Variants in CBR4 observed in about 807,000 individuals in gnomAD.
The protein encoded by CBR4 is 3-oxoacyl-[acyl-carrier-protein] reductase.
CBR4 carries 22 observed loss-of-function variants against 21.0 expected under a neutral mutation model. The ratio of observed to expected loss-of-function variants is 1.05; its 90% CI spans 0.75 to 1.50. The LOEUF (loss-of-function observed/expected upper bound fraction) is 1.50, where lower values mean the gene tolerates loss of function less well. Among genes scored for constraint, CBR4 ranks in the 40% most tolerant of loss-of-function variants. The pLI is 0.00. For synonymous variants in CBR4, 100 were observed against 104.4 expected (o/e 0.96, Z 0.26); for missense variants, 302 against 286.3 (o/e 1.05, Z -0.40).
intron 2 of CBR4, among the ~76,000 whole-genome samples, chr4:168,969,548 A>G (rs1039031774): frequency 6.6e-6 from 1 of 152,204 alleles, no homozygotes; most frequent in Non-Finnish European, 1.5e-5. Context: ...ACAGCAGCAG[A>G]AGGATAGAGT....
Position 168,924,382 on chromosome 4 carries a change from A to C in CBR4, n.170-29617T>G. On this transcript the variant is annotated intron_variant and non_coding_transcript_variant, in intron 2 of 3. Transcript: ENST00000509108. ...CACCACCTCAGATATTTTGGAAGAAAGAAAATGAATCACTCACTCACAGCA... is the reference window on the plus strand; with the variant it reads ...CACCACCTCAGATATTTTGGAAGAACGAAAATGAATCACTCACTCACAGCA... 6 of 1,614,082 alleles carry C rather than the reference A, an allele frequency of 3.7e-6. No homozygotes were observed. The highest frequency in any genetic ancestry group is 5.1e-6 in the Non-Finnish European group (6 of 1,179,952).
intron 2 of CBR4, among the ~76,000 whole-genome samples, chr4:168,973,515 A>G (rs192093376): frequency 3.3e-5 from 5 of 152,242 alleles, no homozygotes; most frequent in African/African-American, 1.2e-4. Flanking sequence ...TTTCGTAGAG[A>G]TGGGGTTTCA....
intron 2 of CBR4, among the ~76,000 whole-genome samples, chr4:168,951,207 C>CA (rs1401103609): frequency 1.3e-5 from 2 of 152,046 alleles, no homozygotes; most frequent in Admixed American, 6.6e-5. Context: ...TACAGGCACC[C>CA]ACCACCACGC....
intron 2 of CBR4, chr4:168,924,544 AAATC>A (rs777628970): frequency 9.7e-5 from 97 of 1,002,168 alleles, no homozygotes; most frequent in Admixed American, 2.3e-4. Context: ...ATTTTTGATG[AAATC>A]AATCAAAGAC....
chr4:168,932,471 C>T (rs1287642316), intron 2 of CBR4, among the ~76,000 whole-genome samples: 1 of 151,808 alleles, frequency 6.6e-6, no homozygotes, highest in Non-Finnish European at 1.5e-5. Flanking sequence ...TTTGGAACTC[C>T]AGATGGAGAA....
intron 2 of CBR4, among the ~76,000 whole-genome samples, chr4:168,931,709 C>G (rs1762974160): frequency 6.6e-6 from 1 of 152,180 alleles, no homozygotes; most frequent in South Asian, 2.1e-4. Context: ...AGTTGGTTGA[C>G]ACCGTTCACA....
intron 2 of CBR4, chr4:168,924,474 T>C: frequency 6.8e-7 from 1 of 1,466,814 alleles, no homozygotes. Flanking sequence ...TAATGATGTA[T>C]CAAAAGATAC....
At chr4:168,946,784 C>T (rs1763406030) in intron 2 of CBR4, among the ~76,000 whole-genome samples, 1 of 151,952 alleles carries the variant, frequency 6.6e-6, no homozygotes, top group South Asian at 2.1e-4. Flanking sequence ...ATTTTTTAAG[C>T]ATGTAAAATG....
intron 2 of CBR4, among the ~76,000 whole-genome samples, chr4:168,917,676 A>G (rs1258432234): frequency 6.6e-6 from 1 of 152,206 alleles, no homozygotes; most frequent in East Asian, 1.9e-4. Flanking sequence ...TTCTTCAGAA[A>G]GTAAATCTGG....
At chr4:168,999,162 G>A (rs925445104) in intron 4 of CBR4, among the ~76,000 whole-genome samples, 1 of 151,954 alleles carries the variant, frequency 6.6e-6, no homozygotes, top group African/African-American at 2.4e-5. Flanking sequence ...AACAGTATTA[G>A]GCAATGAATC....
In CBR4 at chr4:168,989,779, G is replaced by C. The variant is rs913530107; in HGVS notation, c.*371C>G. ...ACACTAAGATTGCTACAGTCTATGA[G>C]GTAACCAAAGGTAAGTGATACACAT... is the stretch of plus-strand genomic sequence containing the variant. On this transcript the variant is annotated 3_prime_UTR_variant, in exon 5 of 5. Coordinates refer to ENST00000306193, the MANE Select transcript of CBR4 (RefSeq NM_032783.5). The C allele has an allele frequency of 5.0e-6, 5 of 992,798 alleles. No individual in the cohort carries two copies. The African/African-American group carries it at 8.7e-5, about 17-fold the overall frequency. 61.5% of individuals were successfully genotyped at this position (992,798 alleles called of 1,614,324 possible).
intron 2 of CBR4, among the ~76,000 whole-genome samples, chr4:168,906,663 C>CT: frequency 6.6e-6 from 1 of 152,160 alleles, no homozygotes; most frequent in African/African-American, 2.4e-5. Flanking sequence ...CTTCCTCAGT[C>CT]ACCCAGGCTG....
At chr4:168,952,376 T>C (rs1763564902) in intron 2 of CBR4, among the ~76,000 whole-genome samples, 1 of 152,228 alleles carries the variant, frequency 6.6e-6, no homozygotes, top group Admixed American at 6.5e-5. Flanking sequence ...GGTGCCTCCC[T>C]GATCAGCTTA....
rs1320274758 is a variant in CBR4 at position 168,962,980 on chromosome 4, CACTTAT to C, written n.169+39085_169+39090del. On this transcript the variant is annotated intron_variant and non_coding_transcript_variant, in intron 2 of 3. Transcript: ENST00000509108. Reference sequence around the variant, plus strand: ...TCTACTAGATACAAAGTATTTCAAACACTTATACTTTAACAAGTATACTCCTCATTT... The same window carrying C: ...TCTACTAGATACAAAGTATTTCAAACACTTTAACAAGTATACTCCTCATTT... 4.1e-4 allele frequency among the ~76,000 whole-genome samples: 63 copies of C among 152,174 alleles called. 1 individual carries two copies. The highest frequency in any genetic ancestry group is 1.3e-3 in the African/African-American group (55 of 41,540).
chr4:168,965,236 ACTGC>A (rs1433256617), intron 2 of CBR4, among the ~76,000 whole-genome samples: 3 of 152,184 alleles, frequency 2.0e-5, no homozygotes, highest in Non-Finnish European at 2.9e-5. Flanking sequence ...ACTACAAACC[ACTGC>A]TCAACAAAAT....
At chr4:169,006,981 A>G (rs1730960704) in intron 2 of CBR4, 90 bp from the exon 3 acceptor site, 1 of 997,968 alleles carries the variant, frequency 1.0e-6, no homozygotes, top group Non-Finnish European at 1.5e-6. Context: ...CTGAGAGTGC[A>G]AGAAGTGCTT....
chr4:168,944,928 T>C (rs1057049393), intron 2 of CBR4, among the ~76,000 whole-genome samples: 1 of 152,254 alleles, frequency 6.6e-6, no homozygotes, highest in Non-Finnish European at 1.5e-5. Flanking sequence ...ATTTCATGAC[T>C]TCATTTGTAG....
chr4:168,991,101 C>A (rs1340296762), intron 4 of CBR4, among the ~76,000 whole-genome samples: 1 of 152,076 alleles, frequency 6.6e-6, no homozygotes, highest in Admixed American at 6.6e-5. Flanking sequence ...AATCAAGACA[C>A]CAAGCCTACA....
intron 2 of CBR4, among the ~76,000 whole-genome samples, chr4:168,967,455 T>C (rs796781200): frequency 2.6e-4 from 39 of 152,288 alleles, no homozygotes; most frequent in African/African-American, 7.7e-4. Context: ...TGTATACCTA[T>C]GTAACAAATC....
Sources: allele counts gnomAD v4.1 joint callset (sites outside exome capture counted in the v4.1 genomes callset), GRCh38; gene constraint gnomAD v4.1.1; transcripts MANE v1.5; gene names NCBI Gene and HGNC (gene_info 2026-07-23, HGNC 2026-07-21).